ASTN2: variants seen among roughly 807,000 people sequenced by gnomAD.
ASTN2 encodes the protein astrotactin 2, also known as astrotactin-2.
ASTN2 carries 54 observed loss-of-function variants against 139.8 expected under a neutral mutation model. The ratio of observed to expected loss-of-function variants is 0.39; its 90% CI spans 0.31 to 0.48. The LOEUF (loss-of-function observed/expected upper bound fraction) is 0.48, where lower values mean the gene tolerates loss of function less well. Ranked by LOEUF, ASTN2 falls within the 20% of genes least tolerant of loss-of-function variation. The probability of loss-of-function intolerance (pLI) is 0.95; values close to 1 mark genes in which losing one functional copy is unlikely to be tolerated. For synonymous variants in ASTN2, 756 were observed against 719.5 expected (o/e 1.05, Z -0.81); for missense variants, 1,565 against 1,725.1 (o/e 0.91, Z 1.64).
At chr9:116,965,603 C>G (rs1156740046) in intron 10 of ASTN2, among the ~76,000 whole-genome samples, 1 of 152,134 alleles carries the variant, frequency 6.6e-6, no homozygotes, top group Non-Finnish European at 1.5e-5. Context: ...AAACAGAATC[C>G]TAATATTATC....
chr9:117,117,030 CAATATGGTAATAGGAT>C (rs1453435592), intron 4 of ASTN2, among the ~76,000 whole-genome samples: 1 of 151,778 alleles, frequency 6.6e-6, no homozygotes, highest in Non-Finnish European at 1.5e-5. Flanking sequence ...CTCTTGTGGA[CAATATGGTAATAGGAT>C]AATATGGTAA....
intron 22 of ASTN2, 119 bp from the exon 23 acceptor site, chr9:116,426,207 AG>A: frequency 2.3e-6 from 3 of 1,301,386 alleles, no homozygotes; most frequent in South Asian, 1.4e-5. Context: ...TATCTACTCC[AG>A]ATTGGAGTGT....
chr9:117,237,057 CA>C (rs1833066485), intron 2 of ASTN2, among the ~76,000 whole-genome samples: 2 of 152,130 alleles, frequency 1.3e-5, no homozygotes, highest in South Asian at 4.1e-4. Flanking sequence ...GTGAGACTAC[CA>C]TTCTTTTGGC....
intron 19 of ASTN2, among the ~76,000 whole-genome samples, chr9:116,579,818 C>G (rs1415632579): frequency 6.6e-6 from 1 of 152,036 alleles, no homozygotes; most frequent in African/African-American, 2.4e-5. Flanking sequence ...CTAAGTCACA[C>G]CTAAGTCACA....
At chr9:116,966,328 C>A (rs980628782) in intron 10 of ASTN2, among the ~76,000 whole-genome samples, 1 of 152,256 alleles carries the variant, frequency 6.6e-6, no homozygotes, top group South Asian at 2.1e-4. Flanking sequence ...CCCCTTTATC[C>A]AGCCTGGGTC....
intron 16 of ASTN2, among the ~76,000 whole-genome samples, chr9:116,719,959 G>A (rs1275730338): frequency 6.6e-6 from 1 of 152,190 alleles, no homozygotes; most frequent in African/African-American, 2.4e-5. Context: ...CCAAGACCTT[G>A]CAGGTCTCAG....
chr9:116,823,460 C>A (rs1489571007), intron 11 of ASTN2, among the ~76,000 whole-genome samples: 2 of 152,210 alleles, frequency 1.3e-5, no homozygotes, highest in Non-Finnish European at 2.9e-5. Context: ...TGACTGACAT[C>A]TAGTTTTAGG....
At chr9:116,609,328 C>CTCTATATATATA (rs140484650) in intron 19 of ASTN2, among the ~76,000 whole-genome samples, 96 of 122,528 alleles carry the variant, frequency 7.8e-4, no homozygotes, top group African/African-American at 2.9e-3. Context: ...CTCTCTCTCT[C>CTCTATATATATA]TATATATATA....
chr9:116,799,518 T>C (rs1472277711), intron 13 of ASTN2, among the ~76,000 whole-genome samples: 2 of 152,130 alleles, frequency 1.3e-5, no homozygotes, highest in Non-Finnish European at 2.9e-5. Context: ...ATGATGAGGC[T>C]TTTGCAAAAT....
intron 4 of ASTN2, among the ~76,000 whole-genome samples, chr9:117,109,265 G>C (rs1028654736): frequency 6.6e-6 from 1 of 151,926 alleles, no homozygotes. Flanking sequence ...CTGGGCGACA[G>C]AGGGAGACTC....
chr9:116,913,929 C>T (rs1834378374), intron 10 of ASTN2, among the ~76,000 whole-genome samples: 1 of 150,848 alleles, frequency 6.6e-6, no homozygotes, highest in Non-Finnish European at 1.5e-5. Context: ...TGGTATTCCT[C>T]TGTGAGTATG....
chr9:116,644,302 T>G (rs1483706781), intron 17 of ASTN2, among the ~76,000 whole-genome samples: 1 of 152,156 alleles, frequency 6.6e-6, no homozygotes, highest in Admixed American at 6.5e-5. Context: ...AAGACTAGAA[T>G]TACACATGAC....
chr9:116,854,628 T>C lies in ASTN2; in HGVS notation c.2040+8955A>G, dbSNP rs11793380. Among the ~76,000 whole-genome samples the C allele has an allele frequency of 7.8e-3, 1,176 of 149,894 alleles. 4 individuals carry two copies. The highest frequency in any genetic ancestry group is 0.017 in the South Asian group (78 of 4,710). ...AGGAGTGCAGCTTCCATTTCCTGCCTCCAATTTGGGGCTTCCTTCTCTCTT... is the reference window on the plus strand; with the variant it reads ...AGGAGTGCAGCTTCCATTTCCTGCCCCCAATTTGGGGCTTCCTTCTCTCTT... On this transcript the variant is annotated intron_variant, in intron 11 of 22. Coordinates refer to ENST00000313400, the MANE Select transcript of ASTN2 (RefSeq NM_001365068.1).
chr9:117,116,759 A>C (rs1829402390), intron 4 of ASTN2, among the ~76,000 whole-genome samples: 1 of 129,426 alleles, frequency 7.7e-6, no homozygotes, highest in African/African-American at 2.9e-5. Context: ...AGTTATTTCC[A>C]ATTGTTCCTA....
At chr9:117,222,436 G>T (rs1046631174) in intron 2 of ASTN2, among the ~76,000 whole-genome samples, 2 of 152,112 alleles carry the variant, frequency 1.3e-5, no homozygotes, top group Non-Finnish European at 2.9e-5. Context: ...AAGGAGACTT[G>T]TCAGAGTACG....
chr9:117,209,906 T>C (rs1255598440), intron 3 of ASTN2, among the ~76,000 whole-genome samples: 1 of 152,146 alleles, frequency 6.6e-6, no homozygotes, highest in East Asian at 1.9e-4. Flanking sequence ...AACAGGAATA[T>C]TCATAACTAT....
intron 3 of ASTN2, among the ~76,000 whole-genome samples, chr9:117,198,946 T>C (rs1009873100): frequency 5.9e-5 from 9 of 152,216 alleles, no homozygotes. Context: ...TTGAGAAGTG[T>C]CTGTTCATAT....
intron 10 of ASTN2, among the ~76,000 whole-genome samples, chr9:116,880,683 G>A (rs1318077045): frequency 6.6e-6 from 1 of 152,060 alleles, no homozygotes; most frequent in South Asian, 2.1e-4. Flanking sequence ...TGCAAATACT[G>A]GCTCTTCTGT....
In ASTN2 at chr9:116,807,095, A is replaced by C. The variant is rs549555344; in HGVS notation, c.2208-1275T>G. 5.3e-5 allele frequency among the ~76,000 whole-genome samples: 8 copies of C among 152,372 alleles called. No homozygotes were observed. In the South Asian group the frequency reaches 1.0e-3, roughly 20 times the overall value. ...CAAATCTAGTGCTTTCTATGTGCACAAAATGACCCTGGTTGGTATGTCAGT... is the reference window on the plus strand; with the variant it reads ...CAAATCTAGTGCTTTCTATGTGCACCAAATGACCCTGGTTGGTATGTCAGT... On this transcript the variant is annotated intron_variant, in intron 12 of 22. Transcript: ENST00000313400.
Sources: gnomAD v4.1 joint callset for allele counts (sites outside exome capture counted in the v4.1 genomes callset) on GRCh38, gnomAD v4.1.1 for gene constraint, MANE v1.5 for transcripts, NCBI Gene and HGNC (gene_info 2026-07-23, HGNC 2026-07-21) for gene names.